The following OBI1 variants were observed in gnomAD, a reference collection of about 807,000 sequenced individuals.
OBI1 encodes the protein ORC ubiquitin ligase 1.
A neutral mutation model predicts 62.4 loss-of-function variants in OBI1; 59 were observed. That is an observed-to-expected ratio of 0.95 (90% CI 0.77 to 1.17). OBI1 has a LOEUF of 1.17. Among genes scored for constraint, OBI1 ranks in the 50% most tolerant of loss-of-function variants. The pLI, the probability that OBI1 is intolerant of heterozygous loss-of-function variation, is 0.00. For synonymous variants in OBI1, 302 were observed against 292.8 expected (o/e 1.03, Z -0.32); for missense variants, 875 against 830.9 (o/e 1.05, Z -0.65).
chr13:78,658,958 C>T (rs1876796035), intron 1 of OBI1, 91 bp downstream of exon 1: 7 of 1,185,980 alleles, frequency 5.9e-6, no homozygotes, highest in Non-Finnish European at 8.7e-6. Flanking sequence ...CGCCTCACGC[C>T]CCTTCCCCGC....
chr13:78,624,431 A>G (rs1875604517), intron 5 of OBI1, among the ~76,000 whole-genome samples: 1 of 152,198 alleles, frequency 6.6e-6, no homozygotes, highest in African/African-American at 2.4e-5. Context: ...AGCAGGGTTA[A>G]TAATTAATAG....
chr13:78,621,533 G>A (rs1036343002), intron 5 of OBI1, among the ~76,000 whole-genome samples: 1 of 152,144 alleles, frequency 6.6e-6, no homozygotes, highest in African/African-American at 2.4e-5. Context: ...TTAATAAAAC[G>A]ACAGAACTGG....
chr13:78,618,851 T>A (rs1437089281), intron 5 of OBI1, among the ~76,000 whole-genome samples: 1 of 152,300 alleles, frequency 6.6e-6, no homozygotes, highest in Middle Eastern at 3.4e-3. Context: ...GGCTTATAAA[T>A]GTAGTACTTC....
chr13:78,637,798 C>CT (rs1298664100), intron 4 of OBI1, among the ~76,000 whole-genome samples: 2 of 152,154 alleles, frequency 1.3e-5, no homozygotes, highest in Non-Finnish European at 2.9e-5. Flanking sequence ...AAGCACTAGG[C>CT]TCTCTCTTCT....
At position 78,616,358 on chromosome 13, in the gene OBI1, T is replaced by C. The variant is rs1875287537; in HGVS notation, c.1403A>G (p.Asp468Gly). The change falls in exon 6 of 6, where the codon GAC becomes GGC. Residue 468 changes from aspartate (D) to glycine (G), a missense_variant. By Grantham distance (94) the Asp-to-Gly change is moderately conservative. Coordinates refer to ENST00000282003, the MANE Select transcript of OBI1 (RefSeq NM_024546.4). Reference protein sequence around the residue: ...CFSSPKTGFWDCCSTSYAQNL... With the variant: ...CFSSPKTGFWGCCSTSYAQNL... ...TTGGGCATAGCTTGTGGAACAACAGTCCCAAAATCCTGTCTTTGGGGAAGA... is the reference window on the plus strand; with the variant it reads ...TTGGGCATAGCTTGTGGAACAACAGCCCCAAAATCCTGTCTTTGGGGAAGA... The C allele has an allele frequency of 3.7e-6, 6 of 1,613,788 alleles. No individual in the cohort carries two copies. The highest frequency in any genetic ancestry group is 1.1e-5 in the South Asian group (1 of 91,062).
chr13:78,642,487 G>A (rs1321459337), intron 2 of OBI1, among the ~76,000 whole-genome samples: 1 of 152,078 alleles, frequency 6.6e-6, no homozygotes. Flanking sequence ...TGGAGGAAAG[G>A]GCTGTAATTA....
intron 1 of OBI1, among the ~76,000 whole-genome samples, chr13:78,647,704 G>A (rs1480118862): frequency 6.6e-6 from 1 of 152,188 alleles, no homozygotes; most frequent in Non-Finnish European, 1.5e-5. Context: ...TTTATACTTT[G>A]TCTCTGTGTC....
intron 5 of OBI1, among the ~76,000 whole-genome samples, chr13:78,622,014 T>C (rs537101816): frequency 6.6e-6 from 1 of 152,376 alleles, no homozygotes; most frequent in Admixed American, 6.5e-5. Context: ...TTTCAAATTG[T>C]ACTACATAAA....
rs760816176 is a variant in OBI1 at position 78,635,112 on chromosome 13, T to C, written c.636A>G (p.Gln212=). 29 of 1,591,476 alleles carry C rather than the reference T, an allele frequency of 1.8e-5. No individual in the cohort carries two copies. Among genetic ancestry groups the C allele is most frequent in the Non-Finnish European group, 2.4e-5 (28 of 1,162,192 alleles). Residue 212 remains glutamine (Q), a splice_region_variant and synonymous_variant, in exon 5 of 6, where the codon CAA becomes CAG. Coordinates refer to ENST00000282003, the MANE Select transcript of OBI1 (RefSeq NM_024546.4). ...TGCTCTGGGAGCAAAATACATACTTTTGAGGTGATCTGTTATCAACTTCAG... is the reference window on the plus strand; with the variant it reads ...TGCTCTGGGAGCAAAATACATACTTCTGAGGTGATCTGTTATCAACTTCAG... The part of the protein sequence containing the change: ...LKAEVDNRSP[Q]KFGRFAVAAL...
intron 5 of OBI1, among the ~76,000 whole-genome samples, chr13:78,625,699 G>A (rs1875645790): frequency 6.6e-6 from 1 of 152,162 alleles, no homozygotes; most frequent in South Asian, 2.1e-4. Flanking sequence ...GGTCCCTCAG[G>A]CAGCCAAGGG....
At chr13:78,642,032 AT>A in intron 3 of OBI1, 89 bp downstream of exon 3, 1 of 565,842 alleles carries the variant, frequency 1.8e-6, no homozygotes, top group East Asian at 2.9e-5. Flanking sequence ...TTCATTGGAT[AT>A]TTACTCTAAG....
At position 78,644,893 on chromosome 13, in the gene OBI1, G is replaced by T; in HGVS notation, c.177C>A (p.Ile59=). ...NSQCPACRVP[I]TPENPCKEII... Reference sequence around the variant, plus strand: ...TTTCTTTGCAAGGATTTTCAGGAGTGATGGGGACTCTGCAAGCTGGACACT... The same window carrying T: ...TTTCTTTGCAAGGATTTTCAGGAGTTATGGGGACTCTGCAAGCTGGACACT... The change falls in exon 2 of 6, where the codon ATC becomes ATA. Residue 59 remains isoleucine, a synonymous_variant. Transcript: ENST00000282003. 6.2e-7 allele frequency: 1 copy of T among 1,613,984 alleles called. No homozygotes were observed. Among genetic ancestry groups the T allele is most frequent in the Non-Finnish European group, 8.5e-7 (1 of 1,179,920 alleles).
chr13:78,619,325 A>C lies in OBI1; in HGVS notation c.639-2203T>G, dbSNP rs533492828. ...ATACTGTATTTGCCTCTCTCTCTCT[A>C]TATATTTTTTTTTTTTAGAAATTAT... On this transcript the variant is annotated intron_variant, in intron 5 of 5. Coordinates refer to ENST00000282003, the MANE Select transcript of OBI1 (RefSeq NM_024546.4). Among the ~76,000 whole-genome samples, 451 of 116,118 alleles carry C rather than the reference A, an allele frequency of 3.9e-3. 2 individuals are homozygous for C. Among genetic ancestry groups the C allele is most frequent in the Non-Finnish European group, 5.1e-3 (300 of 59,312 alleles). The allele number at this position is 116,118 out of a possible 152,430, so 76.2% of individuals were successfully genotyped here. A position where few individuals can be genotyped will look rare whatever the true frequency, so the allele number is the denominator to read the frequency against.
chr13:78,623,270 TAAAA>T (rs34129925), intron 5 of OBI1, among the ~76,000 whole-genome samples: 72 of 136,202 alleles, frequency 5.3e-4, no homozygotes, highest in Non-Finnish European at 1.6e-4. Context: ...AGAGAACATT[TAAAA>T]AAAAAAAAAA....
chr13:78,620,331 G>A (rs1299832153), intron 5 of OBI1, among the ~76,000 whole-genome samples: 1 of 152,142 alleles, frequency 6.6e-6, no homozygotes, highest in Non-Finnish European at 1.5e-5. Context: ...ACTAAATGAA[G>A]CTATGCCAAG....
At chr13:78,642,272 G>T in intron 2 of OBI1, 59 bp from the exon 3 acceptor site, 1 of 1,114,972 alleles carries the variant, frequency 9.0e-7, no homozygotes, top group Non-Finnish European at 1.3e-6. Flanking sequence ...GAATGAAAAT[G>T]ATCCTTTTTC....
chr13:78,628,565 G>A (rs1173857782), intron 5 of OBI1, among the ~76,000 whole-genome samples: 2 of 152,232 alleles, frequency 1.3e-5, no homozygotes, highest in Non-Finnish European at 2.9e-5. Context: ...GGAGTAGGAT[G>A]AGATGGAGGA....
intron 1 of OBI1, among the ~76,000 whole-genome samples, chr13:78,646,542 C>T (rs1345300999): frequency 6.6e-6 from 1 of 152,122 alleles, no homozygotes; most frequent in Non-Finnish European, 1.5e-5. Flanking sequence ...GGACTCAAAA[C>T]ATTTCATAGC....
At position 78,614,969 on chromosome 13, in the gene OBI1, C is replaced by T. The variant is rs989323191; in HGVS notation, c.*611G>A. The T allele has an allele frequency of 6.6e-6, 1 of 152,098 alleles. No individual in the cohort carries two copies. Among genetic ancestry groups the T allele is most frequent in the Non-Finnish European group, 1.5e-5 (1 of 68,000 alleles). 9.4% of individuals were successfully genotyped at this position (152,098 alleles called of 1,614,324 possible). On this transcript the variant is annotated 3_prime_UTR_variant, in exon 6 of 6. Coordinates refer to ENST00000282003, the MANE Select transcript of OBI1 (RefSeq NM_024546.4). ...CAATGCTAAAAAATGCAAACATATA[C>T]ATAAAACCTAAAAAAAGAAAGTAAA... is the stretch of plus-strand genomic sequence containing the variant.
Sources: gnomAD v4.1 joint callset for allele counts (sites outside exome capture counted in the v4.1 genomes callset) on GRCh38, gnomAD v4.1.1 for gene constraint, MANE v1.5 for transcripts, NCBI Gene and HGNC (gene_info 2026-07-23, HGNC 2026-07-21) for gene names.